Variants in ACP3 observed in about 807,000 individuals in gnomAD.
The protein encoded by ACP3 is prostatic acid phosphatase.
Under a neutral mutation model 45.6 loss-of-function variants are expected in ACP3, and 38 were observed. That is an observed-to-expected ratio of 0.83 (90% CI 0.64 to 1.09). The LOEUF is 1.09. ACP3 is among the 50% of genes least tolerant of loss of function. The pLI, the probability that ACP3 is intolerant of heterozygous loss-of-function variation, is 0.00. For synonymous variants in ACP3, 162 were observed against 164.7 expected (o/e 0.98, Z 0.13); for missense variants, 466 against 463.2 (o/e 1.01, Z -0.05).
chr3:132,362,488 G>C (rs1938058743), downstream of ACP3, among the ~76,000 whole-genome samples: 2 of 152,190 alleles, frequency 1.3e-5, no homozygotes, highest in African/African-American at 4.8e-5. Context: ...AACAGCAGCA[G>C]ACAAGAAGAC....
At position 132,358,507 on chromosome 3, in the gene ACP3, A is replaced by G. The variant is rs149159018; in HGVS notation, c.*1629A>G. On this transcript the variant is annotated 3_prime_UTR_variant, in exon 10 of 10. Coordinates refer to ENST00000336375, the MANE Select transcript of ACP3 (RefSeq NM_001099.5). ...ACATGTCTAGAGAACACTGTGCTCT[A>G]TTACCATTATGGATAAAGATGAGAT... is the stretch of plus-strand genomic sequence containing the variant. 9,527 of 1,236,278 alleles carry G rather than the reference A, an allele frequency of 7.7e-3. 39 individuals carry two copies. Among genetic ancestry groups the G allele is most frequent in the Non-Finnish European group, 9.0e-3 (8,591 of 955,374 alleles). The allele number at this position is 1,236,278 out of a possible 1,614,324, so 76.6% of individuals were successfully genotyped here.
intron 9 of ACP3, among the ~76,000 whole-genome samples, 192 bp downstream of exon 9, chr3:132,353,015 A>T (rs1387833968): frequency 1.3e-5 from 2 of 152,212 alleles, no homozygotes; most frequent in East Asian, 3.8e-4. Flanking sequence ...CTGGAAAATA[A>T]TATACACAGT....
downstream of ACP3, among the ~76,000 whole-genome samples, chr3:132,359,939 G>C (rs1938008727): frequency 6.6e-6 from 1 of 152,138 alleles, no homozygotes; most frequent in South Asian, 2.1e-4. Flanking sequence ...ACTGGTTTGG[G>C]CTCATAGAAA....
At chr3:132,330,914 C>T (rs1279809496) in intron 2 of ACP3, among the ~76,000 whole-genome samples, 1 of 152,188 alleles carries the variant, frequency 6.6e-6, no homozygotes, top group Non-Finnish European at 1.5e-5. Flanking sequence ...GATGGAGATG[C>T]TGAGGAATCT....
At chr3:132,323,500 TAAGA>T (rs1937241682) in intron 1 of ACP3, among the ~76,000 whole-genome samples, 1 of 152,110 alleles carries the variant, frequency 6.6e-6, no homozygotes, top group African/African-American at 2.4e-5. Context: ...AACAGTGAGA[TAAGA>T]TAGAGATTGA....
chr3:132,339,017 T>C (rs548653219), intron 5 of ACP3, among the ~76,000 whole-genome samples: 31 of 152,270 alleles, frequency 2.0e-4, no homozygotes, highest in Middle Eastern at 3.4e-3. Context: ...TTCCTGACCC[T>C]TTGCCTCCTC....
chr3:132,339,245 A>AC (rs201508029), intron 5 of ACP3, among the ~76,000 whole-genome samples: 8,138 of 152,004 alleles, frequency 0.054, 281 homozygotes, highest in Middle Eastern at 0.16. Context: ...GTGAAAAAAA[A>AC]CACACTCAAT....
chr3:132,337,827 C>T lies in ACP3; in HGVS notation c.555+273C>T, dbSNP rs529331470. ...AGAGGAACCAGGTGTGAGTAAATGG[C>T]TGGATGAGAATAAATATAAGTCTAA... On this transcript the variant is annotated intron_variant, in intron 5 of 9. Coordinates refer to ENST00000336375, the MANE Select transcript of ACP3 (RefSeq NM_001099.5). Among the ~76,000 whole-genome samples the T allele has an allele frequency of 2.6e-5, 4 of 152,260 alleles. No homozygotes were observed. In the East Asian group the frequency reaches 7.7e-4, roughly 29 times the overall value.
At chr3:132,351,771 G>A (rs996545532) in intron 8 of ACP3, among the ~76,000 whole-genome samples, 1 of 151,274 alleles carries the variant, frequency 6.6e-6, no homozygotes, top group African/African-American at 2.4e-5. Context: ...ATATGTGCAC[G>A]CTGCCATACA....
intron 6 of ACP3, among the ~76,000 whole-genome samples, chr3:132,344,685 C>T (rs531741989): frequency 2.6e-5 from 4 of 152,026 alleles, no homozygotes; most frequent in Non-Finnish European, 4.4e-5. Context: ...TATGAGCCAC[C>T]CACTGATCCA....
chr3:132,332,108 CT>C (rs1477231836), intron 3 of ACP3, 83 bp from the exon 4 acceptor site: 1 of 1,490,088 alleles, frequency 6.7e-7, no homozygotes, highest in Non-Finnish European at 9.3e-7. Context: ...GTGTCCTTTC[CT>C]TTCTCTAATA....
In ACP3 at chr3:132,317,544, G is replaced by GTAC. The variant is rs776333071; in HGVS notation, c.91_93dup (p.Leu31dup). On this transcript the variant is annotated inframe_insertion, in exon 1 of 10. Coordinates refer to ENST00000336375, the MANE Select transcript of ACP3 (RefSeq NM_001099.5). Reference sequence around the variant, plus strand: ...GCTTTTTTTCTGGCTAGACCGAAGTGTACTAGCCAAGGAGTTGAAGTTTGT... The same window carrying GTAC: ...GCTTTTTTTCTGGCTAGACCGAAGTGTACTACTAGCCAAGGAGTTGAAGTTTGT... 1.3e-4 allele frequency: 211 copies of GTAC among 1,613,108 alleles called. No individual in the cohort carries two copies. The highest frequency in any genetic ancestry group is 1.7e-4 in the Non-Finnish European group (200 of 1,179,614).
chr3:132,335,176 A>G (rs530123072), intron 4 of ACP3, among the ~76,000 whole-genome samples: 2 of 152,366 alleles, frequency 1.3e-5, no homozygotes, highest in African/African-American at 4.8e-5. Flanking sequence ...AAAGCCATGC[A>G]TGCAAATTTA....
intron 4 of ACP3, among the ~76,000 whole-genome samples, chr3:132,334,142 C>T (rs1937451051): frequency 6.6e-6 from 1 of 152,054 alleles, no homozygotes; most frequent in African/African-American, 2.4e-5. Flanking sequence ...ATGTAGACCA[C>T]AACAGCTATT....
chr3:132,357,115 A>G lies in ACP3; in HGVS notation c.*237A>G. Reference sequence around the variant, plus strand: ...TTTTTCAGCGTTAATGTAAAGGGGCAGCAGTGCCAAAATATAATCAGAGAT... The same window carrying G: ...TTTTTCAGCGTTAATGTAAAGGGGCGGCAGTGCCAAAATATAATCAGAGAT... On this transcript the variant is annotated 3_prime_UTR_variant, in exon 10 of 10. Transcript: ENST00000336375. 1.0e-5 allele frequency: 13 copies of G among 1,238,350 alleles called. No individual in the cohort carries two copies. The highest frequency in any genetic ancestry group is 1.3e-5 in the Non-Finnish European group (13 of 984,968). 76.7% of individuals were successfully genotyped at this position (1,238,350 alleles called of 1,614,324 possible).
At chr3:132,340,426 G>T (rs1262807614) in intron 5 of ACP3, among the ~76,000 whole-genome samples, 1 of 151,978 alleles carries the variant, frequency 6.6e-6, no homozygotes, top group East Asian at 1.9e-4. Context: ...TGCCATGTAG[G>T]TTCTGTATCA....
At chr3:132,349,329 C>T (rs1031321512) in intron 7 of ACP3, among the ~76,000 whole-genome samples, 5 of 152,134 alleles carry the variant, frequency 3.3e-5, no homozygotes, top group African/African-American at 1.2e-4. Context: ...CTGGCTGTCC[C>T]CCCAATAGTG....
intron 4 of ACP3, among the ~76,000 whole-genome samples, chr3:132,336,224 C>A (rs1227167892): frequency 6.6e-6 from 1 of 152,172 alleles, no homozygotes; most frequent in Non-Finnish European, 1.5e-5. Context: ...CGCGCCACTG[C>A]ACTCCAGCCT....
rs553927172 is a variant in ACP3, at chr3:132,339,791, A to G, written c.555+2237A>G. On this transcript the variant is annotated intron_variant, in intron 5 of 9. Coordinates refer to ENST00000336375, the MANE Select transcript of ACP3 (RefSeq NM_001099.5). ...TTGCATAGGCATGATTGATTAAGCC[A>G]CAGGCTATTGGCTATCAACTTAAAT... Among the ~76,000 whole-genome samples, 23 of 152,282 alleles carry G rather than the reference A, an allele frequency of 1.5e-4. No individual in the cohort carries two copies. In the Middle Eastern group the frequency reaches 0.017, roughly 113 times the overall value.
Sources: allele counts gnomAD v4.1 joint callset (sites outside exome capture counted in the v4.1 genomes callset), GRCh38; gene constraint gnomAD v4.1.1; transcripts MANE v1.5; gene names NCBI Gene and HGNC (gene_info 2026-07-23, HGNC 2026-07-21).